The following FAM13C variants were observed in gnomAD, a reference collection of about 807,000 sequenced individuals.
The protein encoded by FAM13C is protein FAM13C.
In FAM13C, 37 loss-of-function variants were observed where a neutral mutation model predicts 73.2. That is an observed-to-expected ratio of 0.51 (90% CI 0.39 to 0.67). The LOEUF (loss-of-function observed/expected upper bound fraction) is 0.67. Among genes scored for constraint, FAM13C ranks in the 30% least tolerant of loss-of-function variants. FAM13C has a pLI of 0.00. For missense variants in FAM13C, 589 were observed against 715.6 expected, an observed-to-expected ratio of 0.82 and a Z score of 2.02; for synonymous variants, 246 against 260.9, an observed-to-expected ratio of 0.94 and a Z score of 0.55.
chr10:59,266,893 A>G (rs1843128791), intron 8 of FAM13C, among the ~76,000 whole-genome samples: 1 of 152,168 alleles, frequency 6.6e-6, no homozygotes. Context: ...TAAATATATA[A>G]CTCATAGATT....
chr10:59,353,286 GCCATTCTTCCCAC>G (rs1336846419), intron 2 of FAM13C, among the ~76,000 whole-genome samples: 1 of 152,166 alleles, frequency 6.6e-6, no homozygotes, highest in Non-Finnish European at 1.5e-5. Context: ...CTTATTTGAA[GCCATTCTTCCCAC>G]TTAAATCTAG....
chr10:59,251,267 A>AT (rs1036239904), intron 13 of FAM13C: 10 of 397,540 alleles, frequency 2.5e-5, no homozygotes, highest in Non-Finnish European at 4.4e-5. Context: ...AAATCAACAG[A>AT]TTTTTTTAAA....
intron 3 of FAM13C, among the ~76,000 whole-genome samples, chr10:59,330,026 G>A (rs1851759643): frequency 2.0e-5 from 3 of 152,200 alleles, no homozygotes; most frequent in East Asian, 1.9e-4. Flanking sequence ...TCATGACAGC[G>A]GATATTGAGT....
At chr10:59,265,335 G>GGGGGCGGA (rs78422182) in intron 8 of FAM13C, among the ~76,000 whole-genome samples, 14 of 16,058 alleles carry the variant, frequency 8.7e-4, no homozygotes, top group African/African-American at 3.7e-3. Context: ...GGGGGGGGGG[G>GGGGGCGGA]AATCCTGGTT....
At chr10:59,279,639 C>T (rs1181369057) in intron 6 of FAM13C, among the ~76,000 whole-genome samples, 2 of 152,186 alleles carry the variant, frequency 1.3e-5, no homozygotes, top group Admixed American at 1.3e-4. Flanking sequence ...TCTCCACACT[C>T]TAAAATCATA....
chr10:59,279,523 C>T (rs143835013), intron 6 of FAM13C, among the ~76,000 whole-genome samples: 32 of 152,278 alleles, frequency 2.1e-4, no homozygotes, highest in African/African-American at 7.7e-4. Flanking sequence ...AATAGGTGTG[C>T]AGTTATTCTG....
intron 7 of FAM13C, 143 bp downstream of exon 7, chr10:59,269,756 A>G: frequency 1.0e-6 from 1 of 977,294 alleles, no homozygotes; most frequent in Non-Finnish European, 1.5e-6. Context: ...AAGTACACTA[A>G]TTTTTGTCAT....
At chr10:59,347,417 C>T (rs1854452176) in intron 3 of FAM13C, among the ~76,000 whole-genome samples, 1 of 152,164 alleles carries the variant, frequency 6.6e-6, no homozygotes, top group South Asian at 2.1e-4. Flanking sequence ...AGTAGAACTT[C>T]TGATTCTGAC....
chr10:59,319,687 A>T (rs1227926288), intron 4 of FAM13C, among the ~76,000 whole-genome samples: 7 of 152,226 alleles, frequency 4.6e-5, no homozygotes, highest in African/African-American at 1.7e-4. Context: ...TCTATTAGTA[A>T]GGGAAGAGAG....
At chr10:59,362,845 G>C (rs1209412968), upstream of FAM13C, 1 of 259,750 alleles carries the variant, frequency 3.8e-6, no homozygotes, top group East Asian at 9.8e-5. Flanking sequence ...CAGTGTTTCT[G>C]CCGAAGTGCT....
intron 8 of FAM13C, 140 bp downstream of exon 8, chr10:59,268,413 C>G (rs1488501747): frequency 1.6e-5 from 16 of 1,004,114 alleles, no homozygotes; most frequent in Non-Finnish European, 2.1e-5. Flanking sequence ...GATGAAGACT[C>G]TATGATAGGT....
intron 5 of FAM13C, among the ~76,000 whole-genome samples, chr10:59,288,874 G>A (rs1368612948): frequency 6.6e-6 from 1 of 152,184 alleles, no homozygotes; most frequent in African/African-American, 2.4e-5. Context: ...TGGGCCACTT[G>A]TAAGTCCTCC....
intron 3 of FAM13C, among the ~76,000 whole-genome samples, chr10:59,343,217 T>C (rs1370229177): frequency 6.6e-6 from 1 of 152,190 alleles, no homozygotes; most frequent in Admixed American, 6.5e-5. Flanking sequence ...TACTTCTTTG[T>C]TCCCTATCAT....
At chr10:59,264,043 T>C in intron 9 of FAM13C, 42 bp downstream of exon 9, 5 of 1,571,554 alleles carry the variant, frequency 3.2e-6, no homozygotes, top group South Asian at 1.1e-5. Flanking sequence ...CTAGTTTAAC[T>C]GCTTCCTTTG....
chr10:59,297,988 G>A (rs1847115581), intron 5 of FAM13C, among the ~76,000 whole-genome samples: 1 of 152,150 alleles, frequency 6.6e-6, no homozygotes, highest in Non-Finnish European at 1.5e-5. Flanking sequence ...GCCATTGGAG[G>A]TATAGAGTTT....
At chr10:59,304,761 G>GAGGGAAAGGAAGGGAAGGGAAGGGA (rs1848004469) in intron 4 of FAM13C, among the ~76,000 whole-genome samples, 1 of 41,132 alleles carries the variant, frequency 2.4e-5, no homozygotes, top group Non-Finnish European at 4.2e-5. Flanking sequence ...TAAATAAAAA[G>GAGGGAAAGGAAGGGAAGGGAAGGGA]AGGGAAGGGA....
intron 3 of FAM13C, among the ~76,000 whole-genome samples, chr10:59,329,806 G>A (rs1306006001): frequency 6.6e-6 from 1 of 152,112 alleles, no homozygotes; most frequent in Admixed American, 6.6e-5. Context: ...CGCTTGCTCT[G>A]TAGCAGGTAC....
chr10:59,337,165 G>T (rs547229363), intron 3 of FAM13C, among the ~76,000 whole-genome samples: 9 of 152,228 alleles, frequency 5.9e-5, no homozygotes, highest in African/African-American at 2.2e-4. Flanking sequence ...GAAGAAAGAG[G>T]TCTCTACCCA....
chr10:59,318,595 A>C (rs1444359576), intron 4 of FAM13C, among the ~76,000 whole-genome samples: 1 of 152,072 alleles, frequency 6.6e-6, no homozygotes, highest in African/African-American at 2.4e-5. Flanking sequence ...GAGAGATGTG[A>C]GATAAGACCC....
Sources: gnomAD v4.1 joint callset for allele counts (sites outside exome capture counted in the v4.1 genomes callset) on GRCh38, gnomAD v4.1.1 for gene constraint, MANE v1.5 for transcripts, NCBI Gene and HGNC (gene_info 2026-07-23, HGNC 2026-07-21) for gene names.